The following PSD3 variants were observed in gnomAD, a reference collection of about 807,000 sequenced individuals.
PSD3 encodes the protein PH and SEC7 domain-containing protein 3.
Under a neutral mutation model 105.5 loss-of-function variants are expected in PSD3, and 49 were observed. The ratio of observed to expected loss-of-function variants is 0.46; its 90% CI spans 0.37 to 0.59. The LOEUF (loss-of-function observed/expected upper bound fraction) is 0.59, where lower values mean the gene tolerates loss of function less well. Among genes scored for constraint, PSD3 ranks in the 20% least tolerant of loss-of-function variants. PSD3 has a pLI of 0.00. For synonymous variants in PSD3, 557 were observed against 457.8 expected (o/e 1.22, Z -2.77); for missense variants, 1,561 against 1,263.8 (o/e 1.24, Z -3.57).
intron 4 of PSD3, chr8:18,849,237 CAG>C (rs1376796168): frequency 1.3e-5 from 2 of 152,218 alleles, no homozygotes; most frequent in African/African-American, 4.8e-5. Context: ...GGGTCTAAAA[CAG>C]AGAATTCCAA....
chr8:18,870,188 C>G (rs193024080), intron 3 of PSD3, among the ~76,000 whole-genome samples: 2 of 151,862 alleles, frequency 1.3e-5, no homozygotes, highest in East Asian at 3.9e-4. Context: ...TTCCTTACAC[C>G]GAACAAAAAA....
intron 11 of PSD3, among the ~76,000 whole-genome samples, chr8:18,608,391 AG>A (rs1805020595): frequency 6.6e-6 from 1 of 152,200 alleles, no homozygotes; most frequent in Non-Finnish European, 1.5e-5. Context: ...GGTGAAATTA[AG>A]AAGTGAATGA....
chr8:18,865,577 A>G (rs1233437924), intron 4 of PSD3, among the ~76,000 whole-genome samples: 1 of 151,958 alleles, frequency 6.6e-6, no homozygotes, highest in South Asian at 2.1e-4. Context: ...CTCAAATAAC[A>G]CAAAATGGGG....
chr8:18,863,894 C>G (rs534451406), intron 4 of PSD3, among the ~76,000 whole-genome samples: 97 of 152,268 alleles, frequency 6.4e-4, no homozygotes, highest in African/African-American at 2.2e-3. Flanking sequence ...GAGCCCAAGA[C>G]TGGAAGGCAT....
At chr8:19,051,521 T>A (rs1213381196) in intron 1 of PSD3, among the ~76,000 whole-genome samples, 2 of 152,216 alleles carry the variant, frequency 1.3e-5, no homozygotes, top group Non-Finnish European at 2.9e-5. Flanking sequence ...AATGGGTGAA[T>A]GTTTTAATGA....
At chr8:18,773,010 G>A (rs1807689383) in intron 8 of PSD3, among the ~76,000 whole-genome samples, 1 of 152,026 alleles carries the variant, frequency 6.6e-6, no homozygotes, top group African/African-American at 2.4e-5. Context: ...TGTTTTTAAG[G>A]CACAAACGTT....
intron 1 of PSD3, among the ~76,000 whole-genome samples, chr8:19,063,242 T>G (rs995342099): frequency 2.6e-5 from 4 of 152,248 alleles, no homozygotes; most frequent in African/African-American, 4.8e-5. Flanking sequence ...GGCACACTGG[T>G]TAGCTGATTT....
At chr8:18,678,536 G>A (rs1010793885) in intron 9 of PSD3, among the ~76,000 whole-genome samples, 5 of 152,200 alleles carry the variant, frequency 3.3e-5, no homozygotes, top group African/African-American at 9.7e-5. Flanking sequence ...TCCCAGCTGG[G>A]CGTGGTGGCT....
intron 9 of PSD3, among the ~76,000 whole-genome samples, chr8:18,679,153 A>C (rs11986989): frequency 6.6e-6 from 1 of 152,218 alleles, no homozygotes; most frequent in Non-Finnish European, 1.5e-5. Flanking sequence ...AAAGAGCAAA[A>C]GTGGTCTAGG....
intron 4 of PSD3, among the ~76,000 whole-genome samples, chr8:18,812,609 C>T (rs888217048): frequency 6.6e-6 from 1 of 152,062 alleles, no homozygotes; most frequent in Admixed American, 6.5e-5. Flanking sequence ...AAGTTTTAGT[C>T]CTGAGCAACT....
chr8:19,061,019 C>G (rs944242219), intron 1 of PSD3, among the ~76,000 whole-genome samples: 19 of 152,298 alleles, frequency 1.2e-4, no homozygotes, highest in African/African-American at 4.6e-4. Context: ...GGGGCACATT[C>G]ATTAGCCAGG....
chr8:18,947,549 C>A (rs766750789), intron 1 of PSD3, among the ~76,000 whole-genome samples: 1 of 152,140 alleles, frequency 6.6e-6, no homozygotes, highest in Non-Finnish European at 1.5e-5. Context: ...CAGGGAGCGG[C>A]GGCCATATGG....
At chr8:19,010,876 G>A (rs929456802) in intron 1 of PSD3, among the ~76,000 whole-genome samples, 1 of 151,712 alleles carries the variant, frequency 6.6e-6, no homozygotes, top group African/African-American at 2.4e-5. Context: ...CTTAGCAAAG[G>A]GAAGCCAAGG....
chr8:18,544,208 A>G (rs1164302734), intron 15 of PSD3, among the ~76,000 whole-genome samples: 1 of 151,196 alleles, frequency 6.6e-6, no homozygotes, highest in African/African-American at 2.4e-5. Context: ...ACCAAACAAA[A>G]CAAGGAGCTT....
chr8:18,730,593 A>C (rs1803672673), intron 9 of PSD3, among the ~76,000 whole-genome samples: 3 of 152,228 alleles, frequency 2.0e-5, no homozygotes, highest in Admixed American at 2.0e-4. Flanking sequence ...CCATCCACTC[A>C]AAAAGTATTT....
intron 2 of PSD3, among the ~76,000 whole-genome samples, chr8:18,891,609 C>T (rs1818786003): frequency 6.6e-6 from 1 of 151,308 alleles, no homozygotes; most frequent in Non-Finnish European, 1.5e-5. Context: ...ATCCAACATC[C>T]AACACCTGCA....
rs1799753268 is a variant in PSD3 at position 18,534,465 on chromosome 8, T to C, written c.*1278A>G. On this transcript the variant is annotated 3_prime_UTR_variant, in exon 16 of 16. Transcript: ENST00000327040. ...GACTGCAAAGTTAATAGAACCATTTTGAGTAGACAGAAAGAAAGGACTGAA... is the reference window on the plus strand; with the variant it reads ...GACTGCAAAGTTAATAGAACCATTTCGAGTAGACAGAAAGAAAGGACTGAA... 1 of 152,586 alleles carries C rather than the reference T, an allele frequency of 6.6e-6. No individual in the cohort carries two copies. The highest frequency in any genetic ancestry group is 1.5e-5 in the Non-Finnish European group (1 of 68,042). 9.5% of individuals were successfully genotyped at this position (152,586 alleles called of 1,614,324 possible). A position where few individuals can be genotyped will look rare whatever the true frequency, so the allele number is the denominator to read the frequency against.
chr8:18,869,941 G>C (rs1334060324), intron 3 of PSD3, among the ~76,000 whole-genome samples: 1 of 152,170 alleles, frequency 6.6e-6, no homozygotes, highest in African/African-American at 2.4e-5. Context: ...CAGGACATAG[G>C]AGACAATTGA....
chr8:18,771,267 T>A (rs774001226), intron 8 of PSD3, among the ~76,000 whole-genome samples: 12 of 151,934 alleles, frequency 7.9e-5, no homozygotes, highest in Non-Finnish European at 1.5e-4. Flanking sequence ...GCTTTTCAGC[T>A]TGAGGGTGCA....
Sources: gnomAD v4.1 joint callset for allele counts (sites outside exome capture counted in the v4.1 genomes callset) on GRCh38, gnomAD v4.1.1 for gene constraint, MANE v1.5 for transcripts, NCBI Gene and HGNC (gene_info 2026-07-23, HGNC 2026-07-21) for gene names.